PCDHA4: variants seen among roughly 807,000 people sequenced by gnomAD.
PCDHA4 encodes protocadherin alpha-4.
PCDHA4 carries 49 observed loss-of-function variants against 61.4 expected under a neutral mutation model. That is an observed-to-expected ratio of 0.80 (90% CI 0.63 to 1.01). PCDHA4 has a LOEUF of 1.01. Ranked by LOEUF, PCDHA4 falls within the 50% of genes least tolerant of loss-of-function variation. The pLI, the probability that PCDHA4 is intolerant of heterozygous loss-of-function variation, is 0.00. For missense variants in PCDHA4, 1,254 were observed against 1,235.8 expected (o/e 1.01, Z -0.22); for synonymous variants, 590 against 550.3 (o/e 1.07, Z -1.01).
chr5:141,005,701 CA>C (rs59860837), intron 3 of PCDHA4, among the ~76,000 whole-genome samples: 201 of 7,776 alleles, frequency 0.026, no homozygotes, highest in African/African-American at 0.052. Flanking sequence ...AACTCCGTCT[CA>C]AAAAAAAAAA....
intron 1 of PCDHA4, chr5:140,829,507 C>A: frequency 1.2e-6 from 2 of 1,613,584 alleles, no homozygotes; most frequent in Non-Finnish European, 1.7e-6. Context: ...CGCCGGGCTG[C>A]CACATCTTCA....
intron 1 of PCDHA4, chr5:140,860,705 T>C (rs1444620274): frequency 6.6e-6 from 1 of 152,242 alleles, no homozygotes; most frequent in Non-Finnish European, 1.5e-5. Context: ...ATATTGTTGT[T>C]CTCCATGAAA....
rs781893809 is a variant in PCDHA4 at position 140,883,492 on chromosome 5, G to T, written c.2385+73920G>T. On this transcript the variant is annotated intron_variant, in intron 1 of 3. Transcript: ENST00000530339. ...CCTACAAGAACTACTACTCATTAGT[G>T]CTGGACAGCGCCCTGGACCGCGAGA... The T allele has an allele frequency of 4.3e-5, 69 of 1,614,058 alleles. 1 individual carries two copies. In the South Asian group the frequency reaches 7.5e-4, roughly 17 times the overall value.
At chr5:140,885,050 C>T (rs1183142093) in intron 1 of PCDHA4, among the ~76,000 whole-genome samples, 3 of 152,164 alleles carry the variant, frequency 2.0e-5, no homozygotes, top group African/African-American at 7.2e-5. Context: ...TTAATGTATA[C>T]ATATACCCAC....
In PCDHA4 at chr5:140,807,209, G is replaced by T; in HGVS notation, c.22G>T (p.Gly8Cys). The change falls in exon 1 of 4, where the codon GGC (glycine) becomes TGC (cysteine). Residue 8 changes from glycine (G) to cysteine (C), a missense_variant. Gly to Cys is a radical substitution (Grantham distance 159, BLOSUM62 -3). Coordinates refer to ENST00000530339, the MANE Select transcript of PCDHA4 (RefSeq NM_018907.4). ...AAAGATGGAGTTTTCCTGGGGAAGCGGCCAGGAATCCCGGCGTCTGCTGCT... is the reference window on the plus strand; with the variant it reads ...AAAGATGGAGTTTTCCTGGGGAAGCTGCCAGGAATCCCGGCGTCTGCTGCT... MEFSWGSGQESRRLLLLL... is the reference protein window; with the variant it reads MEFSWGSCQESRRLLLLL... The T allele has an allele frequency of 6.2e-7, 1 of 1,613,838 alleles. No individual in the cohort carries two copies. The highest frequency in any genetic ancestry group is 8.5e-7 in the Non-Finnish European group (1 of 1,179,840).
chr5:140,853,247 C>T lies in PCDHA4; in HGVS notation c.2385+43675C>T, dbSNP rs985398812. ...GTAATTTAGTCCTTCATATTAATCT[C>T]TATTCTCTCTCAGAGTACAAGCTCT... On this transcript the variant is annotated intron_variant, in intron 1 of 3. Transcript: ENST00000530339. 2 of 976,048 alleles carry T rather than the reference C, an allele frequency of 2.0e-6. 1 individual carries two copies. Among genetic ancestry groups the T allele is most frequent in the Non-Finnish European group, 2.5e-6 (2 of 809,028 alleles). 60.5% of individuals were successfully genotyped at this position (976,048 alleles called of 1,614,324 possible).
At chr5:140,880,042 G>A (rs530262393) in intron 1 of PCDHA4, among the ~76,000 whole-genome samples, 3 of 152,208 alleles carry the variant, frequency 2.0e-5, no homozygotes, top group Non-Finnish European at 4.4e-5. Flanking sequence ...CAGGGATTAA[G>A]ATGTGGGCAT....
intron 1 of PCDHA4, chr5:140,862,942 G>C (rs75462656): frequency 5.5e-6 from 3 of 542,062 alleles, no homozygotes; most frequent in Admixed American, 3.9e-5. Flanking sequence ...CTGTGAGTGA[G>C]CTGGTGCGGT....
At chr5:141,005,184 A>G (rs964423938) in intron 3 of PCDHA4, among the ~76,000 whole-genome samples, 27 of 152,196 alleles carry the variant, frequency 1.8e-4, no homozygotes, top group Non-Finnish European at 3.7e-4. Flanking sequence ...CACTTCTCAC[A>G]TCAGTCCTTT....
chr5:140,826,610 G>A (rs1331422800), intron 1 of PCDHA4, among the ~76,000 whole-genome samples: 1 of 152,086 alleles, frequency 6.6e-6, no homozygotes, highest in Admixed American at 6.6e-5. Flanking sequence ...AATTAAGGGC[G>A]AAGTTGATAT....
intron 1 of PCDHA4, among the ~76,000 whole-genome samples, chr5:140,893,391 G>A (rs1481818388): frequency 6.6e-6 from 1 of 152,158 alleles, no homozygotes; most frequent in Non-Finnish European, 1.5e-5. Context: ...AGTGGCTCAT[G>A]CCTGTAATCC....
At chr5:140,935,996 G>C (rs145363850) in intron 1 of PCDHA4, among the ~76,000 whole-genome samples, 1,644 of 150,942 alleles carry the variant, frequency 0.011, 22 homozygotes, top group African/African-American at 0.037. Flanking sequence ...GGGTTCAAGC[G>C]ATTCTCCCAC....
At chr5:140,814,806 T>TAA (rs1765594880) in intron 1 of PCDHA4, 1 of 152,196 alleles carries the variant, frequency 6.6e-6, no homozygotes, top group East Asian at 1.9e-4. Context: ...ACACTTGACT[T>TAA]TATTGTATTG....
intron 3 of PCDHA4, among the ~76,000 whole-genome samples, chr5:140,996,915 A>G (rs1167259941): frequency 6.6e-6 from 1 of 152,244 alleles, no homozygotes; most frequent in Non-Finnish European, 1.5e-5. Flanking sequence ...TGAAGTAAAT[A>G]TTAAAAAATA....
At chr5:140,886,554 A>G (rs2061020893) in intron 1 of PCDHA4, among the ~76,000 whole-genome samples, 1 of 152,078 alleles carries the variant, frequency 6.6e-6, no homozygotes, top group South Asian at 2.1e-4. Flanking sequence ...CCAGCTGGGC[A>G]CGGTGGCTCA....
rs542272513 is a variant in PCDHA4 at position 140,808,844 on chromosome 5, G to A, written c.1657G>A (p.Val553Met). The A allele has an allele frequency of 3.1e-6, 5 of 1,613,056 alleles. No individual in the cohort carries two copies. The highest frequency in any genetic ancestry group is 4.2e-6 in the Non-Finnish European group (5 of 1,179,922). Residue 553 changes from valine to methionine, a missense_variant, in exon 1 of 4, where the codon GTG (valine) becomes ATG (methionine). Physicochemically the swap from Val to Met is conservative, Grantham distance 21. Coordinates refer to ENST00000530339, the MANE Select transcript of PCDHA4 (RefSeq NM_018907.4). ...PPLGSNVTLQ[V>M]FVLDENDNAP... ...TCTGGGCAGCAACGTGACGCTGCAG[G>A]TGTTCGTGCTGGACGAAAACGACAA...
intron 1 of PCDHA4, among the ~76,000 whole-genome samples, chr5:140,912,783 A>G (rs1287611610): frequency 6.6e-6 from 1 of 152,166 alleles, no homozygotes; most frequent in African/African-American, 2.4e-5. Context: ...TGTCCCTTCT[A>G]TGCCAATTTT....
chr5:140,939,560 T>C (rs2153641939), intron 1 of PCDHA4, among the ~76,000 whole-genome samples: 1 of 151,934 alleles, frequency 6.6e-6, no homozygotes, highest in African/African-American at 2.4e-5. Flanking sequence ...TGTATTAGTT[T>C]GGTTAATCAA....
intron 1 of PCDHA4, chr5:140,926,714 C>G: frequency 1.1e-6 from 1 of 951,084 alleles, no homozygotes; most frequent in Non-Finnish European, 1.4e-6. Context: ...TGGCCAGCCC[C>G]GGCAATGCCG....
Sources: gnomAD v4.1 joint callset for allele counts (sites outside exome capture counted in the v4.1 genomes callset) on GRCh38, gnomAD v4.1.1 for gene constraint, MANE v1.5 for transcripts, NCBI Gene and HGNC (gene_info 2026-07-23, HGNC 2026-07-21) for gene names.